Variants in FGFR2 observed in about 807,000 individuals in gnomAD.
The protein encoded by FGFR2 is fibroblast growth factor receptor 2, also known as BEK fibroblast growth factor receptor.
Under a neutral mutation model 95.9 loss-of-function variants are expected in FGFR2, and 19 were observed. The ratio of observed to expected loss-of-function variants is 0.20; its 90% CI spans 0.14 to 0.29. The LOEUF is 0.29. Among genes scored for constraint, FGFR2 ranks in the 10% least tolerant of loss-of-function variants. The probability of loss-of-function intolerance (pLI) is 1.00; values close to 1 mark genes in which losing one functional copy is unlikely to be tolerated. For missense variants in FGFR2, 707 were observed against 1,056.9 expected, an observed-to-expected ratio of 0.67 and a Z score of 4.59; for synonymous variants, 392 against 393.3, an observed-to-expected ratio of 1.00 and a Z score of 0.04.
chr10:121,565,173 G>C (rs1857487861), intron 3 of FGFR2, among the ~76,000 whole-genome samples: 1 of 61,084 alleles, frequency 1.6e-5, no homozygotes, highest in Admixed American at 1.9e-4. Context: ...GATGTCAGTG[G>C]TACAAAAAAA....
chr10:121,505,734 C>G (rs543943208), intron 9 of FGFR2, among the ~76,000 whole-genome samples: 1 of 152,338 alleles, frequency 6.6e-6, no homozygotes, highest in East Asian at 1.9e-4. Flanking sequence ...CTAACCTCGT[C>G]TGCGGGACAC....
Position 121,590,072 on chromosome 10 carries a change from T to C in FGFR2, c.109+3637A>G, listed in dbSNP as rs533202815. Among the ~76,000 whole-genome samples the C allele has an allele frequency of 2.0e-5, 3 of 147,808 alleles. No individual in the cohort carries two copies. In the East Asian group the frequency reaches 6.0e-4, roughly 30 times the overall value. ...TAGATCCTGTCCTCGACGTTTCTGC[T>C]ACTGAACTCTGGACCAACTCACGTT... On this transcript the variant is annotated intron_variant, in intron 2 of 17. Coordinates refer to ENST00000358487, the MANE Select transcript of FGFR2 (RefSeq NM_000141.5).
rs1845077697 is a variant in FGFR2, at chr10:121,483,869, A to C, written c.2196-66T>G. ...TGGGTACGTGGTTATAGTCAGTTTTAATAGGCAATATGGGGACGTGGTGTA... is the reference window on the plus strand; with the variant it reads ...TGGGTACGTGGTTATAGTCAGTTTTCATAGGCAATATGGGGACGTGGTGTA... On this transcript the variant is annotated intron_variant, in intron 16 of 17. Coordinates refer to ENST00000358487, the MANE Select transcript of FGFR2 (RefSeq NM_000141.5). The C allele has an allele frequency of 2.6e-6, 3 of 1,170,426 alleles. No individual in the cohort carries two copies. In the South Asian group the frequency reaches 3.9e-5, roughly 15 times the overall value. 72.5% of individuals were successfully genotyped at this position (1,170,426 alleles called of 1,614,324 possible). A position where few individuals can be genotyped will look rare whatever the true frequency, so the allele number is the denominator to read the frequency against.
At chr10:121,588,142 A>G (rs2912775) in intron 2 of FGFR2, among the ~76,000 whole-genome samples, 110,633 of 152,030 alleles carry the variant, frequency 0.73, 40,989 homozygotes, top group East Asian at 0.86. Flanking sequence ...AACCAAATAC[A>G]GAAAACCAAA....
chr10:121,524,144 A>ACCCCC (rs1354372561), intron 6 of FGFR2, among the ~76,000 whole-genome samples: 47 of 129,152 alleles, frequency 3.6e-4, no homozygotes, highest in Admixed American at 6.9e-4. Context: ...ACACACACAC[A>ACCCCC]CACCCCAAGT....
At chr10:121,545,641 A>G (rs1023605655) in intron 5 of FGFR2, among the ~76,000 whole-genome samples, 1 of 152,210 alleles carries the variant, frequency 6.6e-6, no homozygotes, top group African/African-American at 2.4e-5. Flanking sequence ...TAAAGTATAA[A>G]CATGCTGATA....
intron 2 of FGFR2, among the ~76,000 whole-genome samples, chr10:121,581,575 CAAAAAAAAA>C (rs67205229): frequency 1.1e-4 from 13 of 122,004 alleles, no homozygotes; most frequent in African/African-American, 2.1e-4. Flanking sequence ...CCATCTCTAC[CAAAAAAAAA>C]AAAAAAGAAA....
chr10:121,591,788 G>A (rs2860197), intron 2 of FGFR2, among the ~76,000 whole-genome samples: 85,337 of 151,904 alleles, frequency 0.56, 24,240 homozygotes, highest in East Asian at 0.62. Context: ...GAACTTCATC[G>A]ACCTCCTTCC....
intron 13 of FGFR2, among the ~76,000 whole-genome samples, chr10:121,493,537 G>C (rs191197453): frequency 6.6e-5 from 10 of 152,310 alleles, no homozygotes; most frequent in Admixed American, 6.5e-4. Flanking sequence ...TCCGTGTCCT[G>C]ATTTTCCTAC....
chr10:121,503,319 T>C (rs901207616), intron 10 of FGFR2, among the ~76,000 whole-genome samples: 2 of 152,198 alleles, frequency 1.3e-5, no homozygotes, highest in African/African-American at 2.4e-5. Flanking sequence ...TATTTGAAGC[T>C]TTTCAGCCCA....
chr10:121,564,931 T>C (rs530891303), intron 3 of FGFR2, among the ~76,000 whole-genome samples: 1 of 152,210 alleles, frequency 6.6e-6, no homozygotes, highest in African/African-American at 2.4e-5. Context: ...CCTTTCAGTA[T>C]GCGGGGTCTC....
At chr10:121,494,212 CCT>C (rs766978776) in intron 13 of FGFR2, among the ~76,000 whole-genome samples, 15 of 152,158 alleles carry the variant, frequency 9.9e-5, no homozygotes, top group East Asian at 3.9e-4. Flanking sequence ...GCCTTATCCC[CCT>C]GTTTCCTCCA....
At chr10:121,511,139 A>G (rs987353079) in intron 9 of FGFR2, among the ~76,000 whole-genome samples, 11 of 151,892 alleles carry the variant, frequency 7.2e-5, no homozygotes, top group Non-Finnish European at 1.3e-4. Context: ...CAGCCTACCT[A>G]TATCAGCAGC....
chr10:121,509,846 G>A (rs1848827693), intron 9 of FGFR2, among the ~76,000 whole-genome samples: 2 of 151,858 alleles, frequency 1.3e-5, no homozygotes, highest in Admixed American at 1.3e-4. Context: ...TCAGAGAACA[G>A]AGCAAGCAGA....
chr10:121,517,253 G>T lies in FGFR2; in HGVS notation c.1084+66C>A. 2 of 1,519,118 alleles carry T rather than the reference G, an allele frequency of 1.3e-6. No individual in the cohort carries two copies. Among genetic ancestry groups the T allele is most frequent in the Non-Finnish European group, 1.8e-6 (2 of 1,093,814 alleles). 94.1% of individuals were successfully genotyped at this position (1,519,118 alleles called of 1,614,324 possible). A position where few individuals can be genotyped will look rare whatever the true frequency, so the allele number is the denominator to read the frequency against. ...GGGGCCATTTCTGATAACAGAAGCT[G>T]TGTTAATTTTATAGCAGTCAACCAA... On this transcript the variant is annotated intron_variant, in intron 8 of 17. Coordinates refer to ENST00000358487, the MANE Select transcript of FGFR2 (RefSeq NM_000141.5). This position sits in a 1 kb window ranked among gnomAD's most constrained non-coding sequence, Gnocchi z 4.7.
chr10:121,506,972 C>A (rs1254467605), intron 9 of FGFR2, among the ~76,000 whole-genome samples: 1 of 152,176 alleles, frequency 6.6e-6, no homozygotes, highest in African/African-American at 2.4e-5. Flanking sequence ...AGGGCATATG[C>A]TTGAAATATG....
intron 10 of FGFR2, among the ~76,000 whole-genome samples, chr10:121,502,890 C>T (rs564550523): frequency 2.1e-4 from 32 of 152,224 alleles, no homozygotes; most frequent in African/African-American, 7.2e-4. Flanking sequence ...GCCTAGAGGA[C>T]GAGGGCTAGG....
chr10:121,569,244 A>C (rs914146141), intron 2 of FGFR2, among the ~76,000 whole-genome samples: 3 of 143,828 alleles, frequency 2.1e-5, no homozygotes, highest in Non-Finnish European at 3.0e-5. Flanking sequence ...TTTTTGAGAC[A>C]GAGTCTTGCT....
intron 2 of FGFR2, among the ~76,000 whole-genome samples, chr10:121,580,754 G>A (rs1590076222): frequency 6.6e-6 from 1 of 152,196 alleles, no homozygotes; most frequent in Non-Finnish European, 1.5e-5. Flanking sequence ...TCCACGTTAA[G>A]AGCCGGCGCC....
Sources: allele counts gnomAD v4.1 joint callset (sites outside exome capture counted in the v4.1 genomes callset), GRCh38; gene constraint gnomAD v4.1.1; non-coding constraint Gnocchi (gnomAD v3.1); transcripts MANE v1.5; gene names NCBI Gene and HGNC (gene_info 2026-07-23, HGNC 2026-07-21).